TARS2: variants seen among roughly 807,000 people sequenced by gnomAD.
TARS2 encodes threonyl-tRNA synthetase 2, mitochondrial, also known as threonine--tRNA ligase, mitochondrial.
TARS2 carries 61 observed loss-of-function variants against 94.4 expected under a neutral mutation model. The observed-to-expected ratio is 0.65, with a 90% CI of 0.53 to 0.80. The LOEUF (loss-of-function observed/expected upper bound fraction) is 0.80. Among genes scored for constraint, TARS2 ranks in the 30% least tolerant of loss-of-function variants. The pLI, the probability that TARS2 is intolerant of heterozygous loss-of-function variation, is 0.00. For synonymous variants in TARS2, 359 were observed against 353.4 expected, an observed-to-expected ratio of 1.02 and a Z score of -0.18; for missense variants, 704 against 902.5, an observed-to-expected ratio of 0.78 and a Z score of 2.82.
intron 1 of TARS2, 39 bp downstream of exon 1, chr1:150,487,555 CTT>C (rs2102470041): frequency 6.2e-7 from 1 of 1,613,496 alleles, no homozygotes; most frequent in African/African-American, 1.3e-5. Flanking sequence ...CCGCATCAGA[CTT>C]AGCCCAGCCG....
At chr1:150,506,574 GACACACACACACAC>G (rs59687878) in intron 17 of TARS2, among the ~76,000 whole-genome samples, 40 of 109,156 alleles carry the variant, frequency 3.7e-4, no homozygotes, top group African/African-American at 1.3e-3. Flanking sequence ...TAATGTCTCT[GACACACACACACAC>G]ACACACACAC....
chr1:150,489,212 A>G (rs766491715), intron 3 of TARS2, 125 bp downstream of exon 3: 3 of 1,392,756 alleles, frequency 2.2e-6, no homozygotes, highest in Non-Finnish European at 3.0e-6. Context: ...GACCTACCAC[A>G]GACTGTCTTG....
rs1160352879 is a variant in TARS2, at chr1:150,499,978, C to T, written c.1617+685C>T. On this transcript the variant is annotated intron_variant, in intron 13 of 17. Coordinates refer to ENST00000369064, the MANE Select transcript of TARS2 (RefSeq NM_025150.5). ...GGATGAAAACACATGGCAGACCAAT[C>T]TGGGCAACACAGGGAGACCCTGTGT... Among the ~76,000 whole-genome samples the T allele has an allele frequency of 3.3e-5, 5 of 150,030 alleles. No homozygotes were observed. In the East Asian group the frequency reaches 7.9e-4, roughly 24 times the overall value.
rs1417286232 is a variant in TARS2 at position 150,489,086 on chromosome 1, C to T, written c.386C>T (p.Ala129Val). The change falls in exon 3 of 18, where the codon GCA becomes GTA. Residue 129 changes from alanine to valine, a missense_variant and splice_region_variant. Physicochemically the swap from Ala to Val is moderately conservative, Grantham distance 64. Coordinates refer to ENST00000369064, the MANE Select transcript of TARS2 (RefSeq NM_025150.5). ...ACATTCGATTCCCCAGAGGGGAAAGCAGTAAGTTTCTTTCTTATCAGGAAT... is the reference window on the plus strand; with the variant it reads ...ACATTCGATTCCCCAGAGGGGAAAGTAGTAAGTTTCTTTCTTATCAGGAAT... ...FLTFDSPEGK[A>V]VFWHSSTHVL... The T allele has an allele frequency of 1.2e-6, 2 of 1,613,948 alleles. No homozygotes were observed. Among genetic ancestry groups the T allele is most frequent in the African/African-American group, 1.3e-5 (1 of 74,926 alleles).
rs1430353143 is a variant in TARS2, at chr1:150,496,467, T to C, written c.775-15T>C. The C allele has an allele frequency of 6.2e-7, 1 of 1,600,914 alleles. No homozygotes were observed. The highest frequency in any genetic ancestry group is 2.2e-5 in the East Asian group (1 of 44,572). On this transcript the variant is annotated splice_polypyrimidine_tract_variant and intron_variant, in intron 7 of 17. Coordinates refer to ENST00000369064, the MANE Select transcript of TARS2 (RefSeq NM_025150.5). ...AGTCCTCATCTTTCCTTTGATCCCC[T>C]ATGTCCTCACACAGAACTCATCATC... is the stretch of plus-strand genomic sequence containing the variant.
chr1:150,496,519 A>C lies in TARS2; in HGVS notation c.812A>C (p.Glu271Ala), dbSNP rs1180003947. The C allele has an allele frequency of 6.2e-7, 1 of 1,614,060 alleles. No homozygotes were observed. The highest frequency in any genetic ancestry group is 2.2e-5 in the East Asian group (1 of 44,866). Residue 271 changes from glutamate (E) to alanine (A), a missense_variant, in exon 8 of 18, where the codon GAG (glutamate) becomes GCG (alanine). This residue lies in a region of TARS2 where 466 missense variants were observed against 609.5 expected (regional missense o/e 0.76). Coordinates refer to ENST00000369064, the MANE Select transcript of TARS2 (RefSeq NM_025150.5). ...TTATGGAGGTCTTCAGGGGCCCCAG[A>C]GACACTGCAGAGAGTGTCAGGGATT... The part of the protein sequence containing the change: ...SSLWRSSGAP[E>A]TLQRVSGISF...
intron 7 of TARS2, among the ~76,000 whole-genome samples, chr1:150,494,929 C>T (rs1669589556): frequency 6.6e-6 from 1 of 152,138 alleles, no homozygotes; most frequent in South Asian, 2.1e-4. Context: ...CGCCTGTAAT[C>T]CCATCACTTT....
At chr1:150,497,849 T>C in intron 10 of TARS2, 102 bp downstream of exon 10, 2 of 1,235,100 alleles carry the variant, frequency 1.6e-6, no homozygotes, top group East Asian at 5.2e-5. Context: ...CCCAACACTT[T>C]GGGAGGCCGA....
intron 10 of TARS2, 60 bp from the exon 11 acceptor site, chr1:150,498,442 G>A (rs1669764899): frequency 1.3e-6 from 2 of 1,502,052 alleles, no homozygotes; most frequent in African/African-American, 2.8e-5. Flanking sequence ...TTGGGTGGAG[G>A]AGCAGTCTTC....
chr1:150,503,902 CAAAAA>C (rs1285986585), intron 13 of TARS2, among the ~76,000 whole-genome samples: 2 of 63,774 alleles, frequency 3.1e-5, no homozygotes, highest in African/African-American at 5.8e-5. Context: ...GACTCTGTCT[CAAAAA>C]AAAAAAAAAA....
In TARS2 at chr1:150,491,552, G is replaced by C. The variant is rs757174976; in HGVS notation, c.630+41G>C. 6.8e-6 allele frequency: 11 copies of C among 1,614,096 alleles called. No homozygotes were observed. In the South Asian group the frequency reaches 9.9e-5, roughly 14 times the overall value. On this transcript the variant is annotated intron_variant, in intron 5 of 17. Coordinates refer to ENST00000369064, the MANE Select transcript of TARS2 (RefSeq NM_025150.5). ...GAGGTGGCTCTTCCAGGACATCTTT[G>C]TGGGAATAAACACTTTTCTTCAATC...
intron 9 of TARS2, 73 bp downstream of exon 9, chr1:150,496,981 T>A: frequency 6.9e-7 from 1 of 1,450,956 alleles, no homozygotes; most frequent in Non-Finnish European, 9.6e-7. Flanking sequence ...AAGGTGTTTG[T>A]GTTAAAAGAT....
chr1:150,491,054 C>CAAA (rs66499095), intron 4 of TARS2, among the ~76,000 whole-genome samples: 10 of 129,992 alleles, frequency 7.7e-5, no homozygotes, highest in East Asian at 2.1e-4. Flanking sequence ...GACACTTTCT[C>CAAA]AAAAAAAAAA....
In TARS2 at chr1:150,497,573, C is replaced by T. The variant is rs1352545327; in HGVS notation, c.1064C>T (p.Thr355Ile). The T allele has an allele frequency of 6.2e-7, 1 of 1,614,074 alleles. No individual in the cohort carries two copies. Among genetic ancestry groups the T allele is most frequent in the Non-Finnish European group, 8.5e-7 (1 of 1,180,044 alleles). Residue 355 changes from threonine (T) to isoleucine (I), a missense_variant, in exon 10 of 18, where the codon ACA (threonine) becomes ATA (isoleucine). By Grantham distance (89) the Thr-to-Ile change is moderately conservative. Around this residue, in one of 3 missense-constraint regions of TARS2, gnomAD observed 466 missense variants for 609.5 expected, o/e 0.76. Transcript: ENST00000369064. ...HRGFSEVKTP[T>I]LFSTKLWEQS... ...GGTTTCTCCGAGGTGAAAACTCCCA[C>T]ACTGTTTTCTACGAAGCTCTGGGAA...
Position 150,490,538 on chromosome 1 carries a change from T to A in TARS2, c.388-63T>A. The A allele has an allele frequency of 1.9e-6, 3 of 1,555,950 alleles. No homozygotes were observed. The South Asian group carries it at 3.6e-5, about 19-fold the overall frequency. ...CCTACCAGCTTTTGTGAGGAAGAGC[T>A]CAGAGATCTAGGGGTTAAGGGAGAA... is the stretch of plus-strand genomic sequence containing the variant. On this transcript the variant is annotated intron_variant, in intron 3 of 17. Coordinates refer to ENST00000369064, the MANE Select transcript of TARS2 (RefSeq NM_025150.5).
chr1:150,492,551 C>T, intron 7 of TARS2, 62 bp downstream of exon 7: 1 of 1,543,542 alleles, frequency 6.5e-7, no homozygotes, highest in African/African-American at 1.4e-5. Context: ...GTGGCTCACG[C>T]TTGTAATCCC....
chr1:150,504,591 A>G, intron 14 of TARS2, 41 bp from the exon 15 acceptor site: 1 of 1,602,104 alleles, frequency 6.2e-7, no homozygotes. Context: ...AATTCGTGAT[A>G]CTTCCACCAT....
intron 7 of TARS2, among the ~76,000 whole-genome samples, chr1:150,495,588 G>T (rs1392845061): frequency 6.6e-6 from 1 of 151,426 alleles, no homozygotes; most frequent in African/African-American, 2.4e-5. Context: ...TACAGACAAG[G>T]TTTCACCATG....
In TARS2 at chr1:150,490,681, T is replaced by G; in HGVS notation, c.468T>G (p.Ser156Arg). The change falls in exon 4 of 18, where the codon AGT becomes AGG. Residue 156 changes from serine to arginine, a missense_variant. Ser to Arg is a moderately radical substitution (Grantham distance 110, BLOSUM62 -1). This residue lies in a region of TARS2 where 208 missense variants were observed against 228.5 expected (regional missense o/e 0.91). Coordinates refer to ENST00000369064, the MANE Select transcript of TARS2 (RefSeq NM_025150.5). The stretch of plus-strand genomic sequence containing the variant: ...GTGCTGTTCTCTGCAGAGGTCCAAG[T>G]ACAGAATATGGCTTTTACCATGATT... ...FLGAVLCRGP[S>R]TEYGFYHDFF... 1 of 1,613,940 alleles carries G rather than the reference T, an allele frequency of 6.2e-7. No homozygotes were observed. The highest frequency in any genetic ancestry group is 1.7e-4 in the Middle Eastern group (1 of 6,004).
Sources: allele counts gnomAD v4.1 joint callset (sites outside exome capture counted in the v4.1 genomes callset), GRCh38; gene constraint gnomAD v4.1.1; regional missense constraint gnomAD v4.1.1; transcripts MANE v1.5; gene names NCBI Gene and HGNC (gene_info 2026-07-23, HGNC 2026-07-21).